Variants in MAP3K15 observed in about 807,000 individuals in gnomAD.
MAP3K15 encodes MAPK/ERK kinase kinase 15.
MAP3K15 carries 124 observed loss-of-function variants against 99.5 expected under a neutral mutation model. That is an observed-to-expected ratio of 1.25 (90% CI 1.08 to 1.45). The LOEUF (loss-of-function observed/expected upper bound fraction) is 1.45, where lower values mean the gene tolerates loss of function less well. Ranked by LOEUF, MAP3K15 falls within the 40% of genes most tolerant of loss-of-function variation. The pLI is 0.00. For missense variants in MAP3K15, 1,242 were observed against 1,079.7 expected, an observed-to-expected ratio of 1.15 and a Z score of -2.11; for synonymous variants, 494 against 439.6, an observed-to-expected ratio of 1.12 and a Z score of -1.55.
Position 19,374,539 on chromosome X carries a change from C to T in MAP3K15, c.2711G>A (p.Arg904Lys). ...HKRATTAELLREGFLRQVNKG... is the reference protein window; with the variant it reads ...HKRATTAELLKEGFLRQVNKG... ...GTTCACCTGCCTTAAGAAACCCTCT[C>T]TCAGTAGCTCAGCAGTGGTGGCACG... The change falls in exon 20 of 29, where the codon AGA becomes AAA. Residue 904 changes from arginine to lysine, a missense_variant. Arg to Lys is a conservative substitution (Grantham distance 26, BLOSUM62 2). Transcript: ENST00000338883. 1 of 1,211,559 alleles carries T rather than the reference C, an allele frequency of 8.3e-7. No individual in the cohort carries two copies. Among genetic ancestry groups the T allele is most frequent in the Non-Finnish European group, 1.1e-6 (1 of 895,412 alleles).
intron 12 of MAP3K15, 122 bp from the exon 13 acceptor site, chrX:19,407,405 C>T: frequency 2.6e-6 from 1 of 389,791 alleles, no homozygotes; most frequent in Non-Finnish European, 4.3e-6. Flanking sequence ...TAAACAAACA[C>T]CCCCCGAGTC....
rs1460439884 is a variant in MAP3K15, at chrX:19,373,828, G to A, written c.2774-133C>T. 1.0e-5 allele frequency: 7 copies of A among 674,651 alleles called. No homozygotes were observed. In the Admixed American group the frequency reaches 2.1e-4, roughly 21 times the overall value. The allele number at this position is 674,651 out of a possible 1,213,427, so 55.6% of individuals were successfully genotyped here. A position where few individuals can be genotyped will look rare whatever the true frequency, so the allele number is the denominator to read the frequency against. On this transcript the variant is annotated intron_variant, in intron 20 of 28. Transcript: ENST00000338883. ...ATCCTGTAGAAATGTGGGTTGGGCGGGGGACGGGCCACAGGTGCTGTATTT... is the reference window on the plus strand; with the variant it reads ...ATCCTGTAGAAATGTGGGTTGGGCGAGGGACGGGCCACAGGTGCTGTATTT...
intron 2 of MAP3K15, among the ~76,000 whole-genome samples, chrX:19,487,302 A>C (rs1373395995): frequency 9.0e-6 from 1 of 111,731 alleles, no homozygotes; most frequent in Admixed American, 9.6e-5. Flanking sequence ...GTATTATTAA[A>C]AATTAAAACA....
At position 19,515,470 on chromosome X, in the gene MAP3K15, C is replaced by T. The variant is rs2064556573; in HGVS notation, c.-209G>A. On this transcript the variant is annotated 5_prime_UTR_variant, in exon 1 of 29. Transcript: ENST00000338883. ...AGGCTGCAGCCTGACGCTCAGGCCC[C>T]AAGGCCCCCAGCGCCCTTTGAAGGC... Among the ~76,000 whole-genome samples, 1 of 111,593 alleles carries T rather than the reference C, an allele frequency of 9.0e-6. No homozygotes were observed. Among genetic ancestry groups the T allele is most frequent in the Admixed American group, 9.3e-5 (1 of 10,738 alleles).
chrX:19,405,040 T>C (rs763226988), intron 13 of MAP3K15, among the ~76,000 whole-genome samples: 3 of 110,395 alleles, frequency 2.7e-5, no homozygotes, highest in East Asian at 2.8e-4. Context: ...TTAAAAACTT[T>C]CGTGCTGCAA....
chrX:19,373,784 A>T, intron 20 of MAP3K15, 89 bp from the exon 21 acceptor site: 1 of 991,618 alleles, frequency 1.0e-6, no homozygotes, highest in Non-Finnish European at 1.4e-6. Context: ...AGCCCAGGTG[A>T]ACCGCCCAGG....
chrX:19,373,783 G>A lies in MAP3K15; in HGVS notation c.2774-88C>T. The A allele has an allele frequency of 3.0e-6, 3 of 988,941 alleles. No individual in the cohort carries two copies. The Admixed American group carries it at 8.6e-5, about 28-fold the overall frequency. The allele number at this position is 988,941 out of a possible 1,213,427, so 81.5% of individuals were successfully genotyped here. ...CCCTGGCAGCCCCTCAAGCCCAGGT[G>A]AACCGCCCAGGCACCCAGGATCCTG... is the stretch of plus-strand genomic sequence containing the variant. On this transcript the variant is annotated intron_variant, in intron 20 of 28. Transcript: ENST00000338883.
intron 25 of MAP3K15, among the ~76,000 whole-genome samples, chrX:19,365,022 G>A (rs1413831404): frequency 3.6e-5 from 4 of 110,087 alleles, no homozygotes; most frequent in Non-Finnish European, 7.6e-5. Context: ...TGGCCAATAT[G>A]GTGAAACCCC....
intron 26 of MAP3K15, 91 bp from the exon 27 acceptor site, chrX:19,361,684 A>C: frequency 1.6e-6 from 1 of 617,647 alleles, no homozygotes; most frequent in South Asian, 2.6e-5. Flanking sequence ...CCAGAATGTA[A>C]ATGTGATGTG....
intron 16 of MAP3K15, among the ~76,000 whole-genome samples, chrX:19,394,537 T>C (rs16981154): frequency 0.081 from 9,028 of 111,289 alleles, 608 homozygotes; most frequent in African/African-American, 0.21. Context: ...AAAACACTGA[T>C]GCTTGATTTC....
intron 1 of MAP3K15, among the ~76,000 whole-genome samples, chrX:19,490,311 C>T (rs1373591455): frequency 9.0e-6 from 1 of 111,255 alleles, no homozygotes; most frequent in East Asian, 2.8e-4. Flanking sequence ...CCAATTTGTG[C>T]GTTTAGCTCC....
At chrX:19,407,369 A>C in intron 12 of MAP3K15, 86 bp from the exon 13 acceptor site, 1 of 505,840 alleles carries the variant, frequency 2.0e-6, no homozygotes, top group Non-Finnish European at 3.1e-6. Context: ...CTATTTTATC[A>C]ATTCCTGAAA....
At chrX:19,449,477 G>A (rs2064022795) in intron 6 of MAP3K15, among the ~76,000 whole-genome samples, 2 of 109,142 alleles carry the variant, frequency 1.8e-5, no homozygotes, top group African/African-American at 6.5e-5. Context: ...GTCCCCTATG[G>A]GACATTTATC....
At chrX:19,470,128 A>G (rs891056101) in intron 3 of MAP3K15, among the ~76,000 whole-genome samples, 71 of 112,005 alleles carry the variant, frequency 6.3e-4, no homozygotes, top group African/African-American at 2.3e-3. Flanking sequence ...ACTATTCACA[A>G]TAGCAAAGAC....
chrX:19,373,882 C>T (rs898604428), intron 20 of MAP3K15, among the ~76,000 whole-genome samples, 187 bp from the exon 21 acceptor site: 2 of 111,178 alleles, frequency 1.8e-5, no homozygotes, highest in East Asian at 5.7e-4. Context: ...TTGGGGGTCC[C>T]TCATGGAGCA....
chrX:19,415,303 GAATTC>G (rs766562459), intron 9 of MAP3K15, 46 bp from the exon 10 acceptor site: 3 of 1,069,791 alleles, frequency 2.8e-6, no homozygotes, highest in African/African-American at 3.8e-5. Flanking sequence ...TAAAGAAACT[GAATTC>G]AATTCAAGTC....
intron 18 of MAP3K15, among the ~76,000 whole-genome samples, chrX:19,382,595 G>A (rs1416986015): frequency 1.8e-5 from 2 of 112,274 alleles, no homozygotes; most frequent in Non-Finnish European, 3.8e-5. Flanking sequence ...ACAACAGATC[G>A]ATGAGGAACA....
At chrX:19,485,458 G>A (rs886349490) in intron 3 of MAP3K15, among the ~76,000 whole-genome samples, 1 of 109,130 alleles carries the variant, frequency 9.2e-6, no homozygotes, top group Admixed American at 9.8e-5. Context: ...TAAAACCACC[G>A]GATGCCTTAT....
At chrX:19,491,987 CT>C (rs534024822) in intron 1 of MAP3K15, among the ~76,000 whole-genome samples, 1,723 of 97,185 alleles carry the variant, frequency 0.018, 22 homozygotes, top group African/African-American at 0.035. Flanking sequence ...CACCTGGCTA[CT>C]TTTTTTTTTT....
Sources: gnomAD v4.1 joint callset for allele counts (sites outside exome capture counted in the v4.1 genomes callset) on GRCh38, gnomAD v4.1.1 for gene constraint, MANE v1.5 for transcripts, NCBI Gene and HGNC (gene_info 2026-07-23, HGNC 2026-07-21) for gene names.